The following SMIM21 variants were observed in gnomAD, a reference collection of about 807,000 sequenced individuals.
SMIM21 encodes chromosome 18 open reading frame 62.
A neutral mutation model predicts 8.6 loss-of-function variants in SMIM21; 8 were observed. The ratio of observed to expected loss-of-function variants is 0.93; its 90% CI spans 0.55 to 1.68. The LOEUF is 1.68. SMIM21 is among the 40% of genes most tolerant of loss of function. The pLI is 0.00. For missense variants in SMIM21, 132 were observed against 123.0 expected, an observed-to-expected ratio of 1.07 and a Z score of -0.35; for synonymous variants, 43 against 41.7, an observed-to-expected ratio of 1.03 and a Z score of -0.12.
At chr18:75,421,037 G>T (rs2024702964) in intron 1 of SMIM21, among the ~76,000 whole-genome samples, 1 of 152,164 alleles carries the variant, frequency 6.6e-6, no homozygotes. Context: ...CGTGTGAAGT[G>T]CATGGAGGCA....
At position 75,427,446 on chromosome 18, in the gene SMIM21, C is replaced by A; in HGVS notation, c.118G>T (p.Ala40Ser). ...ACCCATAAACTCACTGTGGTAAGTG[C>A]TTTCTTCTGCAGCAAATTCCCCTTG... ...IFKGNLLQKK[A>S]LTTFENEHHI... is the part of the protein sequence containing the mutation. Residue 40 changes from alanine (A) to serine (S), a missense_variant, in exon 1 of 3, where the codon GCA (alanine) becomes TCA (serine). By Grantham distance (99) the Ala-to-Ser change is moderately conservative (BLOSUM62 1). Transcript: ENST00000579022. 3 of 1,613,830 alleles carry A rather than the reference C, an allele frequency of 1.9e-6. No individual in the cohort carries two copies. In the South Asian group the frequency reaches 3.3e-5, roughly 18 times the overall value.
At chr18:75,415,502 T>G (rs1453691140) in intron 2 of SMIM21, among the ~76,000 whole-genome samples, 1 of 152,130 alleles carries the variant, frequency 6.6e-6, no homozygotes, top group African/African-American at 2.4e-5. Flanking sequence ...AAGATGAGCA[T>G]TCTGACTTGC....
chr18:75,424,836 G>A (rs755158741), intron 1 of SMIM21, among the ~76,000 whole-genome samples: 11 of 152,204 alleles, frequency 7.2e-5, no homozygotes, highest in Non-Finnish European at 1.3e-4. Context: ...AAGGAGCAGA[G>A]ATCTGGGAGA....
chr18:75,425,495 A>G (rs7236311), intron 1 of SMIM21, among the ~76,000 whole-genome samples: 43,029 of 152,194 alleles, frequency 0.28, 6,716 homozygotes, highest in Middle Eastern at 0.37. Flanking sequence ...CGTATGATCC[A>G]TGAAGTAGTG....
intron 2 of SMIM21, among the ~76,000 whole-genome samples, chr18:75,413,951 T>A (rs142237004): frequency 2.2e-4 from 34 of 152,264 alleles, no homozygotes; most frequent in African/African-American, 7.7e-4. Flanking sequence ...TTCATAGTAT[T>A]TATCTTAGAA....
At chr18:75,425,652 A>G (rs898990078) in intron 1 of SMIM21, among the ~76,000 whole-genome samples, 4 of 152,232 alleles carry the variant, frequency 2.6e-5, no homozygotes, top group African/African-American at 9.6e-5. Flanking sequence ...TGGCTTTCTT[A>G]TTGAAAAGAC....
chr18:75,415,465 C>T (rs9958193), intron 2 of SMIM21, among the ~76,000 whole-genome samples: 3 of 151,996 alleles, frequency 2.0e-5, no homozygotes, highest in Non-Finnish European at 2.9e-5. Context: ...ATGACCCCGA[C>T]GTGTGACAAC....
chr18:75,411,240 G>A lies in SMIM21; in HGVS notation c.261-331C>T, dbSNP rs537339085. The stretch of plus-strand genomic sequence containing the variant: ...CTTGTATAAAGGATGATAGATAGAA[G>A]TCGAGTATATGCGAACTCTGAAATA... On this transcript the variant is annotated intron_variant, in intron 2 of 2. Transcript: ENST00000579022. 9.9e-4 allele frequency among the ~76,000 whole-genome samples: 151 copies of A among 152,330 alleles called. 1 individual carries two copies. The highest frequency in any genetic ancestry group is 3.6e-3 in the African/African-American group (148 of 41,570).
At position 75,422,124 on chromosome 18, in the gene SMIM21, T is replaced by C. The variant is rs185598025; in HGVS notation, c.130-3208A>G. Among the ~76,000 whole-genome samples, 53 of 152,270 alleles carry C rather than the reference T, an allele frequency of 3.5e-4. 1 individual carries two copies. In the East Asian group the frequency reaches 9.1e-3, roughly 26 times the overall value. Reference sequence around the variant, plus strand: ...AAAGCCGCCCACCCAGCAGGGCCACTGGCCCAGAATTCAGCATAAAAACTG... The same window carrying C: ...AAAGCCGCCCACCCAGCAGGGCCACCGGCCCAGAATTCAGCATAAAAACTG... On this transcript the variant is annotated intron_variant, in intron 1 of 2. Transcript: ENST00000579022.
intron 2 of SMIM21, among the ~76,000 whole-genome samples, chr18:75,414,587 G>C (rs1401724469): frequency 6.6e-6 from 1 of 152,184 alleles, no homozygotes; most frequent in Non-Finnish European, 1.5e-5. Flanking sequence ...CAGTGGCTAA[G>C]GAGAATGTAT....
At chr18:75,417,137 G>T (rs1178966565) in intron 2 of SMIM21, 1 of 152,196 alleles carries the variant, frequency 6.6e-6, no homozygotes, top group Non-Finnish European at 1.5e-5. Context: ...TTTGCATGCG[G>T]ACAGCATCCT....
chr18:75,413,426 C>G (rs989959929), intron 2 of SMIM21, among the ~76,000 whole-genome samples: 1 of 152,220 alleles, frequency 6.6e-6, no homozygotes, highest in African/African-American at 2.4e-5. Flanking sequence ...GGAGAAGACA[C>G]GTAACTATCA....
At chr18:75,425,115 G>C (rs954920908) in intron 1 of SMIM21, among the ~76,000 whole-genome samples, 1 of 152,188 alleles carries the variant, frequency 6.6e-6, no homozygotes, top group African/African-American at 2.4e-5. Flanking sequence ...AACTCCAGTG[G>C]AACAGGCTGT....
At chr18:75,421,070 A>C (rs1204889831) in intron 1 of SMIM21, among the ~76,000 whole-genome samples, 1 of 152,174 alleles carries the variant, frequency 6.6e-6, no homozygotes, top group Non-Finnish European at 1.5e-5. Flanking sequence ...TAGAGTCTGA[A>C]TTTGGACATT....
At chr18:75,419,600 A>G (rs1461757062) in intron 1 of SMIM21, among the ~76,000 whole-genome samples, 2 of 152,232 alleles carry the variant, frequency 1.3e-5, no homozygotes, top group African/African-American at 4.8e-5. Context: ...GGTGGTGGCC[A>G]TTGGAATAAC....
intron 1 of SMIM21, among the ~76,000 whole-genome samples, chr18:75,425,709 G>A (rs1031357491): frequency 2.0e-5 from 3 of 152,210 alleles, no homozygotes; most frequent in Non-Finnish European, 4.4e-5. Flanking sequence ...GGAAGCAGTG[G>A]ATGAAAATAG....
intron 1 of SMIM21, among the ~76,000 whole-genome samples, chr18:75,423,290 C>T (rs999750407): frequency 5.3e-5 from 8 of 152,208 alleles, no homozygotes; most frequent in African/African-American, 1.9e-4. Flanking sequence ...GTGTGGCTCT[C>T]TTAGTGTCCT....
At chr18:75,411,488 G>A (rs997372303) in intron 2 of SMIM21, among the ~76,000 whole-genome samples, 8 of 152,350 alleles carry the variant, frequency 5.3e-5, no homozygotes, top group Middle Eastern at 3.4e-3. Context: ...GAGACTGTGA[G>A]ATGTGTCCAA....
intron 1 of SMIM21, 198 bp from the exon 2 acceptor site, chr18:75,419,114 C>A (rs2024682853): frequency 2.4e-6 from 1 of 409,974 alleles, no homozygotes; most frequent in Non-Finnish European, 4.4e-6. Flanking sequence ...AAAGATAATG[C>A]ATGTAAAACA....
Sources: gnomAD v4.1 joint callset for allele counts (sites outside exome capture counted in the v4.1 genomes callset) on GRCh38, gnomAD v4.1.1 for gene constraint, MANE v1.5 for transcripts, NCBI Gene and HGNC (gene_info 2026-07-23, HGNC 2026-07-21) for gene names.